The following HAPSTR1 variants were observed in gnomAD, a reference collection of about 807,000 sequenced individuals.
HAPSTR1 encodes the protein HUWE1 associated protein modifying stress responses.
At chr16:9,097,799 C>G in the HAPSTR1 span, among the ~76,000 whole-genome samples, 1 of 152,188 alleles carries the variant, frequency 6.6e-6, no homozygotes, top group Non-Finnish European at 1.5e-5. Context: ...CTTAGAAGAG[C>G]CTAAAAATGA....
At chr16:9,100,354 C>G in the HAPSTR1 span, among the ~76,000 whole-genome samples, 2 of 152,106 alleles carry the variant, frequency 1.3e-5, no homozygotes, top group Admixed American at 1.3e-4. Flanking sequence ...GCAGATCTGA[C>G]TGTTGGACTT....
At chr16:9,102,956 A>G in the HAPSTR1 span, 14 of 1,607,000 alleles carry the variant, frequency 8.7e-6, no homozygotes, top group Non-Finnish European at 1.0e-5. Context: ...GTCATGATAC[A>G]TGTTTTCTTT....
At chr16:9,114,502 C>G in the HAPSTR1 span, among the ~76,000 whole-genome samples, 2 of 152,144 alleles carry the variant, frequency 1.3e-5, no homozygotes, top group Admixed American at 1.3e-4. Context: ...GAGAGACAGA[C>G]ATTTGCAAAT....
chr16:9,108,267 G>A, the HAPSTR1 span: 1 of 152,192 alleles, frequency 6.6e-6, no homozygotes, highest in Admixed American at 6.5e-5. Context: ...TTAGTAAGTG[G>A]TAGAATAGAT....
chr16:9,091,754 C>T, the HAPSTR1 span: 1 of 397,804 alleles, frequency 2.5e-6, no homozygotes, highest in Admixed American at 4.4e-5. Context: ...GGGCGTTAGA[C>T]AGGCTGCGGC....
chr16:9,113,445 A>G, the HAPSTR1 span, among the ~76,000 whole-genome samples: 8 of 152,200 alleles, frequency 5.3e-5, no homozygotes, highest in East Asian at 1.9e-4. Flanking sequence ...AGCTGAAACA[A>G]TAAGGAACAT....
chr16:9,114,910 G>A, the HAPSTR1 span, among the ~76,000 whole-genome samples: 39 of 152,206 alleles, frequency 2.6e-4, 1 homozygote, highest in African/African-American at 5.1e-4. Flanking sequence ...TCATGTTAAT[G>A]CTTCTATTTT....
chr16:9,106,789 C>T, the HAPSTR1 span: 1 of 151,964 alleles, frequency 6.6e-6, no homozygotes, highest in African/African-American at 2.4e-5. Context: ...GCTTTGTTAT[C>T]CTATAATAAT....
the HAPSTR1 span, chr16:9,105,585 CTTA>C: frequency 2.6e-5 from 4 of 152,154 alleles, 1 homozygote; most frequent in Non-Finnish European, 5.9e-5. Flanking sequence ...ACTGGGTGTC[CTTA>C]TTATCTGATT....
the HAPSTR1 span, among the ~76,000 whole-genome samples, chr16:9,115,888 G>C: frequency 6.6e-6 from 1 of 152,148 alleles, no homozygotes; most frequent in East Asian, 1.9e-4. Flanking sequence ...GGGATTACAG[G>C]TGTGAGCCAC....
At chr16:9,101,497 T>A in the HAPSTR1 span, among the ~76,000 whole-genome samples, 24,761 of 152,268 alleles carry the variant, frequency 0.16, 2,155 homozygotes, top group Non-Finnish European at 0.19. Context: ...GTTGAATTCT[T>A]GTCCTGGTCC....
At chr16:9,096,300 C>T in the HAPSTR1 span, among the ~76,000 whole-genome samples, 7 of 152,250 alleles carry the variant, frequency 4.6e-5, no homozygotes, top group African/African-American at 1.7e-4. Context: ...GTGGGCAGTG[C>T]TTAAAATGAA....
At chr16:9,102,301 T>A in the HAPSTR1 span, among the ~76,000 whole-genome samples, 3 of 151,930 alleles carry the variant, frequency 2.0e-5, no homozygotes, top group East Asian at 1.9e-4. Context: ...AATTTTCAAA[T>A]TTTTTTTCAA....
chr16:9,098,059 G>A, the HAPSTR1 span, among the ~76,000 whole-genome samples: 13 of 152,186 alleles, frequency 8.5e-5, no homozygotes, highest in Admixed American at 6.5e-4. Context: ...GGGCTGGGGC[G>A]GGGGCTCACG....
chr16:9,120,724 C>T, the HAPSTR1 span: 1 of 132,434 alleles, frequency 7.6e-6, no homozygotes, highest in South Asian at 2.3e-4. Context: ...CTCACCCAGG[C>T]TGGAGTGCAG....
the HAPSTR1 span, among the ~76,000 whole-genome samples, chr16:9,100,829 C>G: frequency 2.0e-5 from 3 of 152,216 alleles, no homozygotes; most frequent in Non-Finnish European, 4.4e-5. Context: ...GCCACCATGC[C>G]TGGCCATCTT....
At chr16:9,093,122 A>T in the HAPSTR1 span, 3 of 991,350 alleles carry the variant, frequency 3.0e-6, no homozygotes, top group Non-Finnish European at 4.6e-6. Context: ...AATACCTTGC[A>T]ACTTGAGAAT....
chr16:9,109,911 C>G, the HAPSTR1 span: 1 of 151,846 alleles, frequency 6.6e-6, no homozygotes, highest in African/African-American at 2.4e-5. Flanking sequence ...GTTAGGAGTT[C>G]TTATTGTTAT....
the HAPSTR1 span, chr16:9,110,090 C>G: frequency 2.6e-5 from 4 of 151,554 alleles, no homozygotes; most frequent in South Asian, 2.1e-4. Context: ...GTATCTAAAC[C>G]CAGGGAATCA....
Sources: gnomAD v4.1 joint callset for allele counts (sites outside exome capture counted in the v4.1 genomes callset) on GRCh38, gnomAD v4.1.1 for gene constraint, MANE v1.5 for transcripts, NCBI Gene and HGNC (gene_info 2026-07-23, HGNC 2026-07-21) for gene names.